ASTN1: variants seen among roughly 807,000 people sequenced by gnomAD.
ASTN1 encodes astrotactin-1.
ASTN1 carries 41 observed loss-of-function variants against 140.7 expected under a neutral mutation model. The ratio of observed to expected loss-of-function variants is 0.29; its 90% CI spans 0.23 to 0.38. The LOEUF (loss-of-function observed/expected upper bound fraction) is 0.38. ASTN1 is among the 10% of genes least tolerant of loss of function. The pLI is 1.00. For synonymous variants in ASTN1, 640 were observed against 652.2 expected (o/e 0.98, Z 0.29); for missense variants, 1,479 against 1,678.8 (o/e 0.88, Z 2.08).
At chr1:176,969,523 G>T (rs1417034362) in intron 8 of ASTN1, among the ~76,000 whole-genome samples, 1 of 152,192 alleles carries the variant, frequency 6.6e-6, no homozygotes, top group African/African-American at 2.4e-5. Context: ...AGAAAGGAGA[G>T]TGAGTGGCAA....
At chr1:177,066,497 T>G (rs1678362567) in intron 1 of ASTN1, among the ~76,000 whole-genome samples, 1 of 152,176 alleles carries the variant, frequency 6.6e-6, no homozygotes, top group South Asian at 2.1e-4. Flanking sequence ...TAGCACTTTT[T>G]GTGGGGTTAG....
chr1:176,985,453 C>A (rs1270613046), intron 8 of ASTN1, among the ~76,000 whole-genome samples: 3 of 152,038 alleles, frequency 2.0e-5, no homozygotes, highest in African/African-American at 7.2e-5. Context: ...TGTCACTGCA[C>A]CCCTCACACT....
At chr1:176,949,078 G>A (rs1672076240) in intron 12 of ASTN1, 107 bp downstream of exon 12, 24 of 1,435,552 alleles carry the variant, frequency 1.7e-5, no homozygotes, top group Admixed American at 7.8e-5. Flanking sequence ...GAGACTAAGG[G>A]ATGGCCTAGG....
At position 176,862,835 on chromosome 1, in the gene ASTN1, GA is replaced by G. The variant is rs1000188942; in HGVS notation, c.*1448del. 3.0e-6 allele frequency: 3 copies of G among 985,002 alleles called. No individual in the cohort carries two copies. The highest frequency in any genetic ancestry group is 1.7e-5 in the African/African-American group (1 of 57,156). The allele number at this position is 985,002 out of a possible 1,614,324, so 61.0% of individuals were successfully genotyped here. On this transcript the variant is annotated 3_prime_UTR_variant, in exon 23 of 23. Coordinates refer to ENST00000361833, the MANE Select transcript of ASTN1 (RefSeq NM_004319.3). ...TGTTATCTGTCACTACTACTATTTA[GA>G]AAAAAAACCAATATAGCTCAATGAC...
intron 21 of ASTN1, among the ~76,000 whole-genome samples, chr1:176,869,343 G>T (rs1249765482): frequency 6.6e-6 from 1 of 151,992 alleles, no homozygotes; most frequent in Non-Finnish European, 1.5e-5. Flanking sequence ...GCCCCACCAG[G>T]CTTAAGTTTT....
Position 176,894,574 on chromosome 1 carries a change from G to T in ASTN1, c.2928C>A (p.Asn976Lys). ...CCAGGCCTCTTACCCTCTGGGTCTG[G>T]TTGTTGGTCACTAGTTCATAGATGG... Reference protein sequence around the residue: ...AAPIYELVTNNQTQRLLQEAT... With the variant: ...AAPIYELVTNKQTQRLLQEAT... Residue 976 changes from asparagine to lysine, a missense_variant, in exon 17 of 23, where the codon AAC (asparagine) becomes AAA (lysine). By Grantham distance (94) the Asn-to-Lys change is moderately conservative (BLOSUM62 0). Around this residue, in one of 3 missense-constraint regions of ASTN1, gnomAD observed 746 missense variants for 800.9 expected, o/e 0.93. Coordinates refer to ENST00000361833, the MANE Select transcript of ASTN1 (RefSeq NM_004319.3). 6.2e-7 allele frequency: 1 copy of T among 1,613,988 alleles called. No individual in the cohort carries two copies. Among genetic ancestry groups the T allele is most frequent in the Non-Finnish European group, 8.5e-7 (1 of 1,180,024 alleles).
intron 2 of ASTN1, among the ~76,000 whole-genome samples, chr1:177,036,922 T>C (rs1676745845): frequency 6.6e-6 from 1 of 152,070 alleles, no homozygotes; most frequent in African/African-American, 2.4e-5. Flanking sequence ...CATGTTCAAG[T>C]GATTCTCTCA....
At chr1:177,027,247 T>C (rs1176788788) in intron 5 of ASTN1, among the ~76,000 whole-genome samples, 1 of 152,128 alleles carries the variant, frequency 6.6e-6, no homozygotes, top group East Asian at 1.9e-4. Flanking sequence ...TTCTCACTGA[T>C]TCCTTGGTGT....
intron 1 of ASTN1, among the ~76,000 whole-genome samples, chr1:177,076,457 T>C: frequency 6.6e-6 from 1 of 151,636 alleles, no homozygotes; most frequent in African/African-American, 2.4e-5. Context: ...GGGCCAGTCA[T>C]TTGAGGAAGG....
At chr1:176,982,336 T>C (rs1673656712) in intron 8 of ASTN1, among the ~76,000 whole-genome samples, 1 of 152,186 alleles carries the variant, frequency 6.6e-6, no homozygotes, top group Non-Finnish European at 1.5e-5. Context: ...TAACTCAGGA[T>C]GAAGGGAATG....
intron 1 of ASTN1, among the ~76,000 whole-genome samples, chr1:177,122,504 AG>A (rs1681450412): frequency 6.6e-6 from 1 of 152,174 alleles, no homozygotes; most frequent in Non-Finnish European, 1.5e-5. Flanking sequence ...AAGATTTTTA[AG>A]AAGCCAAATG....
At chr1:177,085,917 T>C (rs937772178) in intron 1 of ASTN1, among the ~76,000 whole-genome samples, 2 of 152,158 alleles carry the variant, frequency 1.3e-5, no homozygotes, top group Non-Finnish European at 2.9e-5. Flanking sequence ...TAACAGAGTT[T>C]AGACACATGT....
chr1:177,057,738 C>T (rs2102026358), intron 2 of ASTN1, among the ~76,000 whole-genome samples: 1 of 152,144 alleles, frequency 6.6e-6, no homozygotes, highest in Non-Finnish European at 1.5e-5. Context: ...AATAGTCTTG[C>T]TATTGTTATT....
rs1477850478 is a variant in ASTN1, at chr1:176,894,598, G to A, written c.2904C>T (p.Pro968=). The A allele has an allele frequency of 3.1e-6, 5 of 1,614,078 alleles. No homozygotes were observed. Among genetic ancestry groups the A allele is most frequent in the East Asian group, 2.2e-5 (1 of 44,848 alleles). ...GGTTGTTGGTCACTAGTTCATAGATGGGGGCTGCTTTGGTCACCTCCAGCA... is the reference window on the plus strand; with the variant it reads ...GGTTGTTGGTCACTAGTTCATAGATAGGGGCTGCTTTGGTCACCTCCAGCA... ...PVLLEVTKAA[P]IYELVTNNQT... Residue 968 remains proline (P), a synonymous_variant, in exon 17 of 23, where the codon CCC becomes CCT. Coordinates refer to ENST00000361833, the MANE Select transcript of ASTN1 (RefSeq NM_004319.3).
intron 8 of ASTN1, among the ~76,000 whole-genome samples, chr1:177,002,266 T>C (rs1328887208): frequency 6.6e-6 from 1 of 152,144 alleles, no homozygotes; most frequent in Non-Finnish European, 1.5e-5. Flanking sequence ...AAGTTCATTG[T>C]GGTTTAATGA....
intron 1 of ASTN1, among the ~76,000 whole-genome samples, chr1:177,139,347 G>T (rs1682351694): frequency 6.6e-6 from 1 of 152,192 alleles, no homozygotes; most frequent in African/African-American, 2.4e-5. Context: ...AATGTGAAAA[G>T]TACTTATTAA....
chr1:177,162,728 A>G (rs1647454750), intron 1 of ASTN1, among the ~76,000 whole-genome samples: 1 of 151,998 alleles, frequency 6.6e-6, no homozygotes, highest in South Asian at 2.1e-4. Context: ...AATTCCCTCT[A>G]CTCACTTTTA....
At chr1:177,112,087 G>T (rs1680847041) in intron 1 of ASTN1, among the ~76,000 whole-genome samples, 1 of 152,208 alleles carries the variant, frequency 6.6e-6, no homozygotes, top group Non-Finnish European at 1.5e-5. Context: ...TGAATGGCAA[G>T]TGACCCTCCT....
In ASTN1 at chr1:177,032,541, T is replaced by A. The variant is rs773699084; in HGVS notation, c.780A>T (p.Gly260=). ...TGACCTGGCTGGCAAAGTCCTCCCC[T>A]CCGTTCATGCACTCCCTCTGCAGAT... ...RHHLQRECMN[G]GEDFASQVTR... Residue 260 remains glycine, a synonymous_variant, in exon 3 of 23, where the codon GGA becomes GGT. Coordinates refer to ENST00000361833, the MANE Select transcript of ASTN1 (RefSeq NM_004319.3). 1 of 1,614,088 alleles carries A rather than the reference T, an allele frequency of 6.2e-7. No individual in the cohort carries two copies. Among genetic ancestry groups the A allele is most frequent in the African/African-American group, 1.3e-5 (1 of 75,024 alleles).
Sources: gnomAD v4.1 joint callset for allele counts (sites outside exome capture counted in the v4.1 genomes callset) on GRCh38, gnomAD v4.1.1 for gene constraint, gnomAD v4.1.1 regional missense constraint, MANE v1.5 for transcripts, NCBI Gene and HGNC (gene_info 2026-07-23, HGNC 2026-07-21) for gene names.